The following SLC25A14 variants were observed in gnomAD, a reference collection of about 807,000 sequenced individuals.
The protein encoded by SLC25A14 is solute carrier family 25 member 14.
SLC25A14 carries 8 observed loss-of-function variants against 28.1 expected under a neutral mutation model. The ratio of observed to expected loss-of-function variants is 0.28; its 90% confidence interval spans 0.17 to 0.51. The LOEUF is 0.51. Ranked by LOEUF, SLC25A14 falls within the 20% of genes least tolerant of loss-of-function variation. The probability of loss-of-function intolerance (pLI) is 0.97; values close to 1 mark genes in which losing one functional copy is unlikely to be tolerated. For missense variants in SLC25A14, 135 were observed against 263.8 expected, an observed-to-expected ratio of 0.51 and a Z score of 3.38; for synonymous variants, 74 against 90.6, an observed-to-expected ratio of 0.82 and a Z score of 1.04.
rs1488750901 is a variant in SLC25A14, at chrX:130,365,516, G to A, written c.720-25G>A. ...GTGGGCAGGGAGTGAAAGTGGGGTC[G>A]ATCTACTTAAACTTTTCCTCTTAGT... On this transcript the variant is annotated intron_variant, in intron 8 of 10. Transcript: ENST00000545805. 10 of 1,207,486 alleles carry A rather than the reference G, an allele frequency of 8.3e-6. No individual in the cohort carries two copies. The East Asian group carries it at 1.8e-4, about 21-fold the overall frequency.
At position 130,364,619 on chromosome X, in the gene SLC25A14, G is replaced by A. The variant is rs780305937; in HGVS notation, c.595-9G>A. On this transcript the variant is annotated splice_polypyrimidine_tract_variant and intron_variant, in intron 7 of 10. Transcript: ENST00000545805. ...TTCCTTGGTGCCTAATGTCACTTGT[G>A]TTTCGTAGGGTGTGGTTCCAACTGC... 4.2e-6 allele frequency: 5 copies of A among 1,197,620 alleles called. No individual in the cohort carries two copies. The highest frequency in any genetic ancestry group is 4.5e-6 in the Non-Finnish European group (4 of 885,293).
At chrX:130,354,412 C>T (rs762211363) in intron 6 of SLC25A14, among the ~76,000 whole-genome samples, 76 of 112,254 alleles carry the variant, frequency 6.8e-4, no homozygotes, top group Admixed American at 2.9e-3. Context: ...CGTGCCCGAC[C>T]GCCTTTTTCA....
At chrX:130,351,498 CTG>C (rs1328817822) in intron 6 of SLC25A14, among the ~76,000 whole-genome samples, 1 of 111,497 alleles carries the variant, frequency 9.0e-6, no homozygotes, top group Non-Finnish European at 1.9e-5. Context: ...AAGTCACAGA[CTG>C]AAACATTTCT....
chrX:130,341,530 CT>C (rs751695734), intron 2 of SLC25A14, among the ~76,000 whole-genome samples: 3 of 111,933 alleles, frequency 2.7e-5, no homozygotes, highest in African/African-American at 9.7e-5. Flanking sequence ...AATTTCTACT[CT>C]TTCTTAAAGG....
chrX:130,358,888 T>C, intron 7 of SLC25A14, 153 bp downstream of exon 7: 1 of 665,075 alleles, frequency 1.5e-6, no homozygotes, highest in Non-Finnish European at 2.3e-6. Context: ...AAACTTATCA[T>C]TGGCCTTTTA....
chrX:130,350,693 A>T lies in SLC25A14; in HGVS notation c.460A>T (p.Ile154Leu), dbSNP rs1215008511. The change falls in exon 6 of 11, where the codon ATA becomes TTA. Residue 154 changes from isoleucine (I) to leucine (L), a missense_variant. Transcript: ENST00000545805. The stretch of plus-strand genomic sequence containing the variant: ...GATCTGTGGGGTAGTGTCAGGAGTG[A>T]TATCTTCCACTATAGCCAATCCCAC... Reference protein sequence around the residue: ...NMICGVVSGVISSTIANPTDV... With the variant: ...NMICGVVSGVLSSTIANPTDV... 1 of 1,170,064 alleles carries T rather than the reference A, an allele frequency of 8.5e-7. No individual in the cohort carries two copies. The highest frequency in any genetic ancestry group is 2.2e-5 in the Admixed American group (1 of 45,418).
chrX:130,353,389 GACC>G (rs1418983252), intron 6 of SLC25A14, among the ~76,000 whole-genome samples: 1 of 111,306 alleles, frequency 9.0e-6, no homozygotes, highest in Non-Finnish European at 1.9e-5. Context: ...TTCCAGACCA[GACC>G]AGTATTACCT....
At chrX:130,366,868 G>A (rs773384792) in intron 9 of SLC25A14, among the ~76,000 whole-genome samples, 1 of 111,929 alleles carries the variant, frequency 8.9e-6, no homozygotes, top group South Asian at 3.8e-4. Flanking sequence ...AATTAACTCA[G>A]AACCTGGGGA....
chrX:130,348,778 C>T (rs1203965091), intron 4 of SLC25A14, among the ~76,000 whole-genome samples: 2 of 34,546 alleles, frequency 5.8e-5, no homozygotes, highest in Non-Finnish European at 1.1e-4. Flanking sequence ...ATTTGAGACT[C>T]TACCCCCCCC....
chrX:130,365,973 A>G (rs1340156346), intron 9 of SLC25A14, among the ~76,000 whole-genome samples: 1 of 112,177 alleles, frequency 8.9e-6, no homozygotes, highest in African/African-American at 3.2e-5. Context: ...TGCCTACTTC[A>G]TACAACACAG....
intron 6 of SLC25A14, among the ~76,000 whole-genome samples, chrX:130,351,846 GAC>G (rs1422736367): frequency 3.6e-5 from 4 of 111,818 alleles, no homozygotes; most frequent in African/African-American, 1.3e-4. Flanking sequence ...AAAAATATGA[GAC>G]AGTCTTTCTG....
At chrX:130,367,354 T>A (rs1267665603) in intron 9 of SLC25A14, among the ~76,000 whole-genome samples, 1 of 111,099 alleles carries the variant, frequency 9.0e-6, no homozygotes. Flanking sequence ...AAGTTCTGGG[T>A]TTTTGGAGTT....
At chrX:130,372,472 T>TA (rs201985880) in intron 10 of SLC25A14, among the ~76,000 whole-genome samples, 33,165 of 102,727 alleles carry the variant, frequency 0.32, 5,035 homozygotes, top group Non-Finnish European at 0.43. Flanking sequence ...TATTTTTATT[T>TA]TTTTTTTTGA....
In SLC25A14 at chrX:130,349,631, G is replaced by A. The variant is rs1047605551; in HGVS notation, c.412+286G>A. 3 of 155,672 alleles carry A rather than the reference G, an allele frequency of 1.9e-5. No homozygotes were observed. In the South Asian group the frequency reaches 9.3e-4, roughly 48 times the overall value. The allele number at this position is 155,672 out of a possible 1,213,427, so 12.8% of individuals were successfully genotyped here. On this transcript the variant is annotated intron_variant, in intron 5 of 10. Coordinates refer to ENST00000545805, the MANE Select transcript of SLC25A14 (RefSeq NM_001282195.2). ...AAATTAATGCTATCTTCATCAATAAGAGGACTTCAACTGTAAGGCATTTTC... is the reference window on the plus strand; with the variant it reads ...AAATTAATGCTATCTTCATCAATAAAAGGACTTCAACTGTAAGGCATTTTC...
chrX:130,359,942 CATA>C (rs1304021891), intron 7 of SLC25A14, among the ~76,000 whole-genome samples: 2 of 111,231 alleles, frequency 1.8e-5, no homozygotes, highest in African/African-American at 6.5e-5. Flanking sequence ...TAGTCTTCTA[CATA>C]ATAATAATAC....
At chrX:130,356,490 A>G (rs1345954939) in intron 6 of SLC25A14, among the ~76,000 whole-genome samples, 1 of 110,695 alleles carries the variant, frequency 9.0e-6, no homozygotes, top group African/African-American at 3.3e-5. Context: ...CGGCCTCCCA[A>G]AGTGCTGGGA....
At chrX:130,347,971 A>G (rs77584462) in intron 4 of SLC25A14, among the ~76,000 whole-genome samples, 2 of 96,189 alleles carry the variant, frequency 2.1e-5, no homozygotes, top group Non-Finnish European at 4.3e-5. Flanking sequence ...ATCTGGGGCT[A>G]TTTCTTTTTG....
chrX:130,359,233 G>A (rs1232674610), intron 7 of SLC25A14: 1 of 279,943 alleles, frequency 3.6e-6, no homozygotes, highest in East Asian at 1.0e-4. Flanking sequence ...CATGGCTGTA[G>A]TCACAGCTAC....
At chrX:130,363,856 C>T (rs890636362) in intron 7 of SLC25A14, among the ~76,000 whole-genome samples, 6 of 111,446 alleles carry the variant, frequency 5.4e-5, no homozygotes, top group Non-Finnish European at 9.4e-5. Flanking sequence ...ACCTCAGCAT[C>T]TCAAGTAGCT....
Sources: gnomAD v4.1 joint callset for allele counts (sites outside exome capture counted in the v4.1 genomes callset) on GRCh38, gnomAD v4.1.1 for gene constraint, MANE v1.5 for transcripts, NCBI Gene and HGNC (gene_info 2026-07-23, HGNC 2026-07-21) for gene names.